The following DLG2 variants were observed in gnomAD, a reference collection of about 807,000 sequenced individuals.
DLG2 encodes disks large homolog 2.
Under a neutral mutation model 132.5 loss-of-function variants are expected in DLG2, and 45 were observed. The observed-to-expected ratio is 0.34, with a 90% CI of 0.27 to 0.44. The LOEUF (loss-of-function observed/expected upper bound fraction) is 0.44, where lower values mean the gene tolerates loss of function less well. DLG2 is among the 20% of genes least tolerant of loss of function. The pLI is 1.00. For missense variants in DLG2, 1,045 were observed against 1,196.9 expected, an observed-to-expected ratio of 0.87 and a Z score of 1.87; for synonymous variants, 424 against 419.6, an observed-to-expected ratio of 1.01 and a Z score of -0.13.
intron 3 of DLG2, among the ~76,000 whole-genome samples, chr11:85,340,083 A>T (rs1471188970): frequency 3.9e-5 from 6 of 152,214 alleles, no homozygotes; most frequent in Non-Finnish European, 5.9e-5. Context: ...CAGTGTGGCG[A>T]TTCCTCAAGG....
intron 6 of DLG2, among the ~76,000 whole-genome samples, chr11:84,702,029 A>T (rs495598): frequency 1 from 151,332 of 151,714 alleles, 75,490 homozygotes; most frequent in Middle Eastern, 1. Flanking sequence ...GGGCCATATA[A>T]CTGCTTTGTT....
At chr11:83,714,538 T>G (rs2086236860) in intron 18 of DLG2, among the ~76,000 whole-genome samples, 1 of 152,154 alleles carries the variant, frequency 6.6e-6, no homozygotes, top group Admixed American at 6.5e-5. Context: ...CAGGATATAT[T>G]GAAGTGAATG....
intron 6 of DLG2, among the ~76,000 whole-genome samples, chr11:84,706,943 T>C (rs1408790480): frequency 6.6e-6 from 1 of 151,830 alleles, no homozygotes. Context: ...ACCTCTTCTC[T>C]AAAGTTATAT....
At chr11:84,457,810 A>G (rs1452561962) in intron 7 of DLG2, among the ~76,000 whole-genome samples, 1 of 151,022 alleles carries the variant, frequency 6.6e-6, no homozygotes, top group African/African-American at 2.4e-5. Context: ...AATTGATTAA[A>G]TACAACAAAT....
intron 16 of DLG2, among the ~76,000 whole-genome samples, chr11:83,859,530 G>T (rs948821603): frequency 3.3e-5 from 5 of 152,218 alleles, no homozygotes; most frequent in African/African-American, 1.2e-4. Context: ...TCTGGCAGAA[G>T]AAATTTCTAA....
intron 6 of DLG2, among the ~76,000 whole-genome samples, chr11:84,783,193 G>A (rs1261970778): frequency 6.6e-6 from 1 of 152,096 alleles, no homozygotes. Context: ...AGCTTTCATA[G>A]GAGGAAAAAT....
intron 18 of DLG2, among the ~76,000 whole-genome samples, chr11:83,636,859 T>C (rs2065000867): frequency 6.6e-6 from 1 of 152,202 alleles, no homozygotes; most frequent in Non-Finnish European, 1.5e-5. Flanking sequence ...TTTGCCTTAA[T>C]TGGAATCTAT....
chr11:84,752,245 C>G (rs751997209), intron 6 of DLG2, among the ~76,000 whole-genome samples: 2 of 151,950 alleles, frequency 1.3e-5, no homozygotes, highest in Non-Finnish European at 2.9e-5. Flanking sequence ...TATTGAAGAC[C>G]TACTATTTCC....
At chr11:83,970,847 A>C (rs145126160) in intron 12 of DLG2, among the ~76,000 whole-genome samples, 183 of 152,318 alleles carry the variant, frequency 1.2e-3, no homozygotes, top group African/African-American at 3.9e-3. Flanking sequence ...CTGTGAACTG[A>C]TGAGTTTAAT....
chr11:85,582,095 C>A (rs2078565058), intron 3 of DLG2, among the ~76,000 whole-genome samples: 1 of 151,988 alleles, frequency 6.6e-6, no homozygotes. Flanking sequence ...GATTTTTGCC[C>A]CCCAATGAAG....
intron 18 of DLG2, among the ~76,000 whole-genome samples, chr11:83,644,796 A>G (rs1174969626): frequency 6.6e-6 from 1 of 152,102 alleles, no homozygotes; most frequent in Non-Finnish European, 1.5e-5. Context: ...CAAAGGATCT[A>G]TGAGAAAGTG....
chr11:84,250,002 G>GCAGAACCTGCTCAGGACCGC (rs891406397), intron 8 of DLG2, among the ~76,000 whole-genome samples: 3 of 152,060 alleles, frequency 2.0e-5, no homozygotes, highest in Admixed American at 6.6e-5. Context: ...GTCCCGGATT[G>GCAGAACCTGCTCAGGACCGC]CAGAACCTGC....
chr11:85,316,954 T>C (rs1472841469), intron 3 of DLG2, among the ~76,000 whole-genome samples: 3 of 151,664 alleles, frequency 2.0e-5, no homozygotes, highest in African/African-American at 4.8e-5. Flanking sequence ...AAAAGCAATG[T>C]AAAAAAGATA....
intron 18 of DLG2, among the ~76,000 whole-genome samples, chr11:83,763,291 TACTC>T (rs10546085): frequency 0.051 from 7,773 of 152,192 alleles, 673 homozygotes; most frequent in African/African-American, 0.18. Flanking sequence ...ATAAGGATAA[TACTC>T]AATAGATTTT....
chr11:85,558,485 G>T (rs1315208342), intron 3 of DLG2, among the ~76,000 whole-genome samples: 1 of 151,750 alleles, frequency 6.6e-6, no homozygotes, highest in Non-Finnish European at 1.5e-5. Flanking sequence ...AAAGATACCT[G>T]CACTCACATG....
intron 6 of DLG2, among the ~76,000 whole-genome samples, chr11:84,906,982 A>G (rs2091588255): frequency 6.6e-6 from 1 of 152,218 alleles, no homozygotes. Flanking sequence ...GAGAAAGCCA[A>G]AAGGCCAAAA....
intron 3 of DLG2, among the ~76,000 whole-genome samples, chr11:85,548,925 C>T (rs940269965): frequency 3.9e-5 from 6 of 152,144 alleles, no homozygotes; most frequent in African/African-American, 1.4e-4. Flanking sequence ...GCTTGCTGGG[C>T]TCCGTGGGGG....
chr11:84,325,627 C>T (rs1333592928), intron 7 of DLG2, among the ~76,000 whole-genome samples: 1 of 152,096 alleles, frequency 6.6e-6, no homozygotes, highest in East Asian at 1.9e-4. Flanking sequence ...ATGATCTTTT[C>T]AATGTGCTGT....
intron 6 of DLG2, among the ~76,000 whole-genome samples, chr11:84,774,625 G>C (rs11234169): frequency 0.51 from 77,492 of 151,858 alleles, 19,984 homozygotes; most frequent in African/African-American, 0.55. Flanking sequence ...GGCCGAGAAC[G>C]CAGAAATAAA....
Sources: gnomAD v4.1 joint callset for allele counts (sites outside exome capture counted in the v4.1 genomes callset) on GRCh38, gnomAD v4.1.1 for gene constraint, MANE v1.5 for transcripts, NCBI Gene and HGNC (gene_info 2026-07-23, HGNC 2026-07-21) for gene names.